The following CORO7 variants were observed in gnomAD, a reference collection of about 807,000 sequenced individuals.
CORO7 encodes the protein coronin-7.
A neutral mutation model predicts 126.6 loss-of-function variants in CORO7; 107 were observed. That is an observed-to-expected ratio of 0.85 (90% CI 0.72 to 0.99). The LOEUF is 0.99. Among genes scored for constraint, CORO7 ranks in the 50% least tolerant of loss-of-function variants. CORO7 has a pLI of 0.00. For missense variants in CORO7, 1,314 were observed against 1,255.8 expected (o/e 1.05, Z -0.70); for synonymous variants, 603 against 536.8 (o/e 1.12, Z -1.70).
At position 4,357,156 on chromosome 16, in the gene CORO7, T is replaced by C; in HGVS notation, c.2685+12A>G. On this transcript the variant is annotated intron_variant, in intron 26 of 27. Transcript: ENST00000251166. ...CTGTCACCTCCGCACAGCTGCTCTC[T>C]CCCATGCCTACCTCCTCCTTCTTTT... 6.2e-7 allele frequency: 1 copy of C among 1,613,688 alleles called. No individual in the cohort carries two copies. Among genetic ancestry groups the C allele is most frequent in the Non-Finnish European group, 8.5e-7 (1 of 1,179,952 alleles).
chr16:4,412,589 T>C, intron 2 of CORO7, 159 bp from the exon 3 acceptor site: 1 of 712,158 alleles, frequency 1.4e-6, no homozygotes, highest in East Asian at 2.7e-5. Context: ...CAATGGCCTG[T>C]GGGTAGGTTC....
At chr16:4,391,164 C>T (rs538197804) in intron 7 of CORO7, among the ~76,000 whole-genome samples, 29 of 152,276 alleles carry the variant, frequency 1.9e-4, no homozygotes, top group African/African-American at 5.1e-4. Flanking sequence ...TGGTACCTGC[C>T]GTAATCCCAA....
Position 4,360,426 on chromosome 16 carries a change from C to T in CORO7, c.2022+18G>A, listed in dbSNP as rs372918801. 4 of 1,612,814 alleles carry T rather than the reference C, an allele frequency of 2.5e-6. No individual in the cohort carries two copies. The African/African-American group carries it at 5.3e-5, about 22-fold the overall frequency. ...CTGAACCAGGTCTGAGGCCACTCCC[C>T]AGCCCCTGTGTGCTCACCTGCAGGG... On this transcript the variant is annotated intron_variant, in intron 20 of 27. Transcript: ENST00000251166.
chr16:4,363,564 T>C (rs988653196), intron 14 of CORO7, among the ~76,000 whole-genome samples: 1 of 149,848 alleles, frequency 6.7e-6, no homozygotes, highest in Admixed American at 6.6e-5. Context: ...AGATACAAAT[T>C]AGCCAGGCGT....
intron 6 of CORO7, among the ~76,000 whole-genome samples, chr16:4,395,634 G>A (rs956777638): frequency 6.6e-6 from 1 of 152,094 alleles, no homozygotes; most frequent in Non-Finnish European, 1.5e-5. Context: ...CCAGACACTC[G>A]ACCCCTCCTA....
In CORO7 at chr16:4,360,330, G is replaced by A. The variant is rs368029508; in HGVS notation, c.2056C>T (p.Arg686Cys). 4 of 1,613,648 alleles carry A rather than the reference G, an allele frequency of 2.5e-6. No homozygotes were observed. The highest frequency in any genetic ancestry group is 1.7e-5 in the Admixed American group (1 of 60,008). ...CGACCATCACATACCCAGACAATGC[G>A]AGCTCCGCGTCCTCCCTTGGGCCCT... ...GPGPKGGRGA[R>C]IVWVCDGRCL... The change falls in exon 21 of 28, where the codon CGC becomes TGC. Residue 686 changes from arginine to cysteine, a missense_variant. Arg to Cys is a radical substitution (Grantham distance 180). Transcript: ENST00000251166.
At position 4,364,696 on chromosome 16, in the gene CORO7, G is replaced by T. The variant is rs1326553623; in HGVS notation, c.1045-7C>A. Reference sequence around the variant, plus strand: ...CCTCGTGGAACTCCACAGCCTGGCCGCAGACAAGCAGGCAGCTAGTGAGGC... The same window carrying T: ...CCTCGTGGAACTCCACAGCCTGGCCTCAGACAAGCAGGCAGCTAGTGAGGC... On this transcript the variant is annotated splice_polypyrimidine_tract_variant and splice_region_variant and intron_variant, in intron 12 of 27. Transcript: ENST00000251166. 3 of 1,583,532 alleles carry T rather than the reference G, an allele frequency of 1.9e-6. No individual in the cohort carries two copies. Among genetic ancestry groups the T allele is most frequent in the South Asian group, 2.3e-5 (2 of 87,240 alleles).
intron 9 of CORO7, among the ~76,000 whole-genome samples, chr16:4,379,134 G>T (rs2054861972): frequency 6.6e-6 from 1 of 152,106 alleles, no homozygotes; most frequent in South Asian, 2.1e-4. Flanking sequence ...CCAGCCTGGG[G>T]CGGAGTGCAG....
chr16:4,412,347 C>A lies in CORO7; in HGVS notation c.232+9G>T. The A allele has an allele frequency of 3.1e-6, 5 of 1,614,052 alleles. No homozygotes were observed. The highest frequency in any genetic ancestry group is 4.2e-6 in the Non-Finnish European group (5 of 1,179,938). ...TCAGGCTTCACCCACTAGTCAGACA[C>A]CCACTCACCTGAATGGCAGCCCAGG... On this transcript the variant is annotated intron_variant, in intron 3 of 27. Transcript: ENST00000251166.
At chr16:4,383,726 C>T (rs910896892) in intron 9 of CORO7, among the ~76,000 whole-genome samples, 6 of 152,188 alleles carry the variant, frequency 3.9e-5, no homozygotes, top group Admixed American at 6.5e-5. Context: ...CCTCTGGCCT[C>T]GGACAAGAAC....
chr16:4,361,491 C>G (rs368663646), intron 16 of CORO7, 22 bp from the exon 17 acceptor site: 2 of 1,609,476 alleles, frequency 1.2e-6, no homozygotes, highest in Admixed American at 3.4e-5. Flanking sequence ...GCCCCCACCC[C>G]GAGGCCCATC....
At chr16:4,411,961 G>A (rs193293642) in intron 3 of CORO7, among the ~76,000 whole-genome samples, 4 of 151,988 alleles carry the variant, frequency 2.6e-5, no homozygotes, top group Admixed American at 6.5e-5. Flanking sequence ...CCAACACAGC[G>A]ACCTCCTTGG....
intron 7 of CORO7, among the ~76,000 whole-genome samples, chr16:4,394,864 C>T (rs958268100): frequency 3.3e-5 from 5 of 152,346 alleles, no homozygotes; most frequent in Admixed American, 1.3e-4. Flanking sequence ...AACCAGAACA[C>T]GCTCAGTCCC....
intron 16 of CORO7, chr16:4,361,724 T>C: frequency 1.3e-6 from 1 of 794,908 alleles, no homozygotes; most frequent in Non-Finnish European, 2.1e-6. Flanking sequence ...GTGGCCGGGC[T>C]TCGGATCCCA....
At chr16:4,369,359 G>C (rs936682042) in intron 9 of CORO7, among the ~76,000 whole-genome samples, 3 of 152,242 alleles carry the variant, frequency 2.0e-5, no homozygotes, top group Non-Finnish European at 2.9e-5. Context: ...CATGGTACAT[G>C]AGCCCCAGCC....
chr16:4,404,809 C>T (rs2055936595), intron 6 of CORO7, among the ~76,000 whole-genome samples: 1 of 152,176 alleles, frequency 6.6e-6, no homozygotes, highest in Non-Finnish European at 1.5e-5. Flanking sequence ...CCACGCATCC[C>T]CCTGTAGACA....
chr16:4,375,287 T>C (rs1285953724), intron 9 of CORO7, among the ~76,000 whole-genome samples: 2 of 152,180 alleles, frequency 1.3e-5, no homozygotes, highest in Non-Finnish European at 2.9e-5. Flanking sequence ...GGGAAGACCC[T>C]GTGCCTGCCC....
At chr16:4,413,539 A>G in intron 1 of CORO7, 135 bp from the exon 2 acceptor site, 5 of 792,628 alleles carry the variant, frequency 6.3e-6, no homozygotes, top group Non-Finnish European at 9.6e-6. Context: ...TCTTTTATTT[A>G]CTTTTTTTTT....
At chr16:4,395,024 T>C (rs569472338) in intron 7 of CORO7, among the ~76,000 whole-genome samples, 1 of 152,330 alleles carries the variant, frequency 6.6e-6, no homozygotes, top group East Asian at 1.9e-4. Flanking sequence ...GATCGCTGCC[T>C]GAAGCCACAC....
Sources: gnomAD v4.1 joint callset for allele counts (sites outside exome capture counted in the v4.1 genomes callset) on GRCh38, gnomAD v4.1.1 for gene constraint, MANE v1.5 for transcripts, NCBI Gene and HGNC (gene_info 2026-07-23, HGNC 2026-07-21) for gene names.